Variants in FMN2 observed in about 807,000 individuals in gnomAD.
FMN2 encodes formin-2.
A neutral mutation model predicts 142.3 loss-of-function variants in FMN2; 51 were observed. The ratio of observed to expected loss-of-function variants is 0.36; its 90% CI spans 0.29 to 0.45. The LOEUF is 0.45. FMN2 is among the 20% of genes least tolerant of loss of function. The probability of loss-of-function intolerance (pLI) is 1.00; values close to 1 mark genes in which losing one functional copy is unlikely to be tolerated. For synonymous variants in FMN2, 882 were observed against 869.8 expected, an observed-to-expected ratio of 1.01 and a Z score of -0.25; for missense variants, 1,936 against 2,122.8, an observed-to-expected ratio of 0.91 and a Z score of 1.73.
chr1:240,230,635 G>A (rs911072177), intron 6 of FMN2, among the ~76,000 whole-genome samples: 1 of 131,554 alleles, frequency 7.6e-6, no homozygotes, highest in African/African-American at 3.3e-5. Flanking sequence ...TACAAAACAT[G>A]TATAGGTCAC....
chr1:240,290,728 C>T (rs6669923), intron 7 of FMN2, among the ~76,000 whole-genome samples: 20,193 of 148,638 alleles, frequency 0.14, 1,463 homozygotes, highest in African/African-American at 0.2. Context: ...TTGATAAAAT[C>T]GTAGACAAGA....
chr1:240,316,284 G>A (rs918554808), intron 8 of FMN2, among the ~76,000 whole-genome samples: 4 of 152,172 alleles, frequency 2.6e-5, no homozygotes, highest in African/African-American at 4.8e-5. Context: ...TGTTCATAGA[G>A]AGGCAGTATC....
chr1:240,162,563 A>G (rs74333277), intron 2 of FMN2, among the ~76,000 whole-genome samples: 2,110 of 152,068 alleles, frequency 0.014, 48 homozygotes, highest in African/African-American at 0.044. Context: ...ATTATGTTTT[A>G]TCTAATATTT....
rs749344198 is a variant in FMN2, at chr1:240,124,273, G to A, written c.1782+928G>A. ...GGCATTCCTTCAGAAGCAGCTCCAC[G>A]GGGCACAGTTATTCTTCCCAGTGGG... On this transcript the variant is annotated intron_variant, in intron 2 of 17. Coordinates refer to ENST00000319653, the MANE Select transcript of FMN2 (RefSeq NM_020066.5). Among the ~76,000 whole-genome samples, 3 of 152,216 alleles carry A rather than the reference G, an allele frequency of 2.0e-5. 1 individual carries two copies. Among genetic ancestry groups the A allele is most frequent in the African/African-American group, 4.8e-5 (2 of 41,552 alleles).
chr1:240,244,124 C>T (rs1668003449), intron 6 of FMN2, among the ~76,000 whole-genome samples: 1 of 152,082 alleles, frequency 6.6e-6, no homozygotes, highest in Non-Finnish European at 1.5e-5. Flanking sequence ...AAAGATTTGC[C>T]TTATTGGATC....
At chr1:240,214,580 A>T (rs1432402888) in intron 6 of FMN2, among the ~76,000 whole-genome samples, 2 of 151,708 alleles carry the variant, frequency 1.3e-5, no homozygotes, top group Non-Finnish European at 2.9e-5. Flanking sequence ...AAAGAAAAAG[A>T]AAAAGTGATC....
At chr1:240,214,035 T>C (rs1666792410) in intron 6 of FMN2, among the ~76,000 whole-genome samples, 1 of 152,254 alleles carries the variant, frequency 6.6e-6, no homozygotes, top group African/African-American at 2.4e-5. Context: ...AAGCATTTTA[T>C]ACTTTTCTCA....
intron 7 of FMN2, among the ~76,000 whole-genome samples, chr1:240,274,710 G>A (rs1028813767): frequency 6.6e-6 from 1 of 152,052 alleles, no homozygotes; most frequent in East Asian, 1.9e-4. Context: ...AGATGCTGGC[G>A]GCCAGGACCA....
intron 6 of FMN2, among the ~76,000 whole-genome samples, chr1:240,234,027 C>T (rs898167765): frequency 6.6e-6 from 1 of 152,106 alleles, no homozygotes; most frequent in African/African-American, 2.4e-5. Flanking sequence ...AGAATTTTTG[C>T]AGGGCATGAA....
In FMN2 at chr1:240,475,142, A is replaced by G. The variant is rs1214934646; in HGVS notation, c.*988A>G. ...TTCAATTTTTCTAGGATGTTAATTT[A>G]TATGAAAATAAAATGAATAATAAAA... On this transcript the variant is annotated 3_prime_UTR_variant, in exon 18 of 18. Coordinates refer to ENST00000319653, the MANE Select transcript of FMN2 (RefSeq NM_020066.5). 1 of 152,604 alleles carries G rather than the reference A, an allele frequency of 6.6e-6. No homozygotes were observed. Among genetic ancestry groups the G allele is most frequent in the East Asian group, 1.9e-4 (1 of 5,198 alleles). 9.5% of individuals were successfully genotyped at this position (152,604 alleles called of 1,614,324 possible).
intron 14 of FMN2, among the ~76,000 whole-genome samples, chr1:240,381,013 T>G (rs1422779583): frequency 6.6e-6 from 1 of 152,096 alleles, no homozygotes; most frequent in Admixed American, 6.6e-5. Flanking sequence ...GTCAGTAATT[T>G]TTTTAAAAAA....
At chr1:240,378,350 C>T (rs1216008682) in intron 14 of FMN2, among the ~76,000 whole-genome samples, 1 of 151,988 alleles carries the variant, frequency 6.6e-6, no homozygotes, top group African/African-American at 2.4e-5. Context: ...GGGGTTTCAC[C>T]ATGTTGGCCA....
chr1:240,147,968 C>T (rs559365695), intron 2 of FMN2, among the ~76,000 whole-genome samples: 30 of 152,320 alleles, frequency 2.0e-4, no homozygotes, highest in African/African-American at 7.2e-4. Flanking sequence ...ATATTAGTTG[C>T]TACTTCGCCA....
chr1:240,328,170 A>T lies in FMN2; in HGVS notation c.4216-906A>T, dbSNP rs528695160. Among the ~76,000 whole-genome samples, 30 of 149,586 alleles carry T rather than the reference A, an allele frequency of 2.0e-4. No individual in the cohort carries two copies. In the East Asian group the frequency reaches 5.9e-3, roughly 29 times the overall value. On this transcript the variant is annotated intron_variant, in intron 8 of 17. Coordinates refer to ENST00000319653, the MANE Select transcript of FMN2 (RefSeq NM_020066.5). ...CTCAAAAAAAAAAAAAAAAAAAAAA[A>T]AAGAAAAAGAAAATCCAGCAAAAGG...
chr1:240,140,928 G>A (rs1006714120), intron 2 of FMN2, among the ~76,000 whole-genome samples: 3 of 152,186 alleles, frequency 2.0e-5, no homozygotes, highest in African/African-American at 4.8e-5. Flanking sequence ...CTGAAAAGGT[G>A]AAGTGACTTT....
intron 2 of FMN2, among the ~76,000 whole-genome samples, chr1:240,162,602 AT>A (rs1664323875): frequency 1.3e-5 from 1 of 75,436 alleles, no homozygotes; most frequent in African/African-American, 7.1e-5. Context: ...TTATTCTAAT[AT>A]CTTACTACTT....
At chr1:240,123,108 G>A (rs1285402206) in intron 1 of FMN2, 71 bp from the exon 2 acceptor site, 18 of 1,553,398 alleles carry the variant, frequency 1.2e-5, no homozygotes, top group East Asian at 6.8e-5. Flanking sequence ...TTACCCAGCC[G>A]CTGTCCCCTG....
chr1:240,336,633 T>A (rs1197155960), intron 13 of FMN2, among the ~76,000 whole-genome samples: 1 of 144,820 alleles, frequency 6.9e-6, no homozygotes, highest in African/African-American at 2.5e-5. Flanking sequence ...TTTCACAGAA[T>A]CTCTGGTGTG....
At chr1:240,135,945 C>G (rs1396287640) in intron 2 of FMN2, among the ~76,000 whole-genome samples, 1 of 151,202 alleles carries the variant, frequency 6.6e-6, no homozygotes, top group Non-Finnish European at 1.5e-5. Flanking sequence ...TCCCAAAGTG[C>G]TGGGATTACA....
Sources: gnomAD v4.1 joint callset for allele counts (sites outside exome capture counted in the v4.1 genomes callset) on GRCh38, gnomAD v4.1.1 for gene constraint, MANE v1.5 for transcripts, NCBI Gene and HGNC (gene_info 2026-07-23, HGNC 2026-07-21) for gene names.